The following GLDC variants were observed in gnomAD, a reference collection of about 807,000 sequenced individuals.
The protein encoded by GLDC is glycine dehydrogenase (decarboxylating), mitochondrial.
Under a neutral mutation model 121.3 loss-of-function variants are expected in GLDC, and 104 were observed. The observed-to-expected ratio is 0.86, with a 90% confidence interval of 0.73 to 1.01. The LOEUF is 1.01. GLDC is among the 50% of genes least tolerant of loss of function. GLDC has a pLI of 0.00. For synonymous variants in GLDC, 546 were observed against 480.6 expected (o/e 1.14, Z -1.78); for missense variants, 1,429 against 1,306.6 (o/e 1.09, Z -1.44).
intron 10 of GLDC, 30 bp from the exon 11 acceptor site, chr9:6,592,253 T>A (rs372053523): frequency 1.5e-6 from 2 of 1,355,494 alleles, no homozygotes; most frequent in South Asian, 1.2e-5. Flanking sequence ...ATGGAAAACA[T>A]CAACTCTAAA....
chr9:6,625,118 T>A (rs1819204403), intron 2 of GLDC, among the ~76,000 whole-genome samples: 1 of 152,124 alleles, frequency 6.6e-6, no homozygotes, highest in South Asian at 2.1e-4. Flanking sequence ...ACTAACATTA[T>A]CCTCTGGCTT....
chr9:6,572,483 A>G (rs1004805243), intron 15 of GLDC, among the ~76,000 whole-genome samples: 1 of 152,154 alleles, frequency 6.6e-6, no homozygotes, highest in African/African-American at 2.4e-5. Flanking sequence ...CTTTTGTGTG[A>G]GTCTATGGGA....
At chr9:6,615,463 T>C (rs901816170) in intron 3 of GLDC, among the ~76,000 whole-genome samples, 1 of 151,232 alleles carries the variant, frequency 6.6e-6, no homozygotes, top group African/African-American at 2.4e-5. Flanking sequence ...GGCCTGTAAG[T>C]CCCACCTACT....
intron 16 of GLDC, among the ~76,000 whole-genome samples, chr9:6,564,584 C>T (rs1188749377): frequency 2.0e-5 from 3 of 152,192 alleles, no homozygotes; most frequent in African/African-American, 4.8e-5. Context: ...GGCTCCTAGG[C>T]GATGCTCCTA....
rs1165977655 is a variant in GLDC at position 6,620,380 on chromosome 9, A to C, written c.335-61T>G. 2.9e-6 allele frequency: 4 copies of C among 1,372,802 alleles called. No homozygotes were observed. The Admixed American group carries it at 5.0e-5, about 17-fold the overall frequency. 85.0% of individuals were successfully genotyped at this position (1,372,802 alleles called of 1,614,324 possible). A position where few individuals can be genotyped will look rare whatever the true frequency, so the allele number is the denominator to read the frequency against. ...TGTCTCAGAAAAGAGCTCTAATTAC[A>C]GTTTAAATCCCTCATTTTGTTTGAG... On this transcript the variant is annotated intron_variant, in intron 2 of 24. Coordinates refer to ENST00000321612, the MANE Select transcript of GLDC (RefSeq NM_000170.3).
chr9:6,639,283 C>A, intron 2 of GLDC: 1 of 914,530 alleles, frequency 1.1e-6, no homozygotes. Flanking sequence ...CACCTTCCGG[C>A]GGTCCAAGAC....
intron 21 of GLDC, among the ~76,000 whole-genome samples, chr9:6,549,310 C>A (rs1011161734): frequency 6.8e-6 from 1 of 147,844 alleles, no homozygotes; most frequent in Non-Finnish European, 1.5e-5. Context: ...GTCAGATGGA[C>A]AGAGCCAGAC....
chr9:6,544,974 C>T (rs930083133), intron 21 of GLDC, among the ~76,000 whole-genome samples: 1 of 151,950 alleles, frequency 6.6e-6, no homozygotes, highest in Admixed American at 6.6e-5. Flanking sequence ...TGGTGCATGC[C>T]TGTAATCCCA....
chr9:6,633,869 G>T (rs111875513), intron 2 of GLDC, among the ~76,000 whole-genome samples: 29,801 of 107,762 alleles, frequency 0.28, 6,078 homozygotes, highest in African/African-American at 0.45. Flanking sequence ...TCACTCTGTC[G>T]CTCAGGCTGG....
At chr9:6,563,408 C>T (rs116228264) in intron 16 of GLDC, among the ~76,000 whole-genome samples, 1 of 152,202 alleles carries the variant, frequency 6.6e-6, no homozygotes, top group East Asian at 1.9e-4. Context: ...GTGGAGGAGT[C>T]GGGTGGAGAT....
intron 2 of GLDC, 138 bp downstream of exon 2, chr9:6,644,476 T>A: frequency 1.4e-6 from 1 of 700,400 alleles, no homozygotes; most frequent in Non-Finnish European, 2.6e-6. Flanking sequence ...GCTCCGGAGG[T>A]ACCCGCCACT....
chr9:6,545,433 T>C (rs1817367821), intron 21 of GLDC, among the ~76,000 whole-genome samples: 1 of 152,004 alleles, frequency 6.6e-6, no homozygotes, highest in Non-Finnish European at 1.5e-5. Context: ...ACATAAAAAA[T>C]GGTACATCTG....
At chr9:6,634,492 G>A (rs980336162) in intron 2 of GLDC, among the ~76,000 whole-genome samples, 1 of 151,738 alleles carries the variant, frequency 6.6e-6, no homozygotes, top group Non-Finnish European at 1.5e-5. Flanking sequence ...TCGCACCACC[G>A]CACTTGAGCC....
chr9:6,644,559 A>G, intron 2 of GLDC, 55 bp downstream of exon 2: 1 of 1,226,364 alleles, frequency 8.2e-7, no homozygotes, highest in Non-Finnish European at 1.2e-6. Context: ...GGGAACCACA[A>G]AAGACAAATA....
In GLDC at chr9:6,554,746, A is replaced by G. The variant is rs749882600; in HGVS notation, c.2238T>C (p.Asp746=). The change falls in exon 19 of 25, where the codon GAT becomes GAC. Residue 746 remains aspartate (D), a synonymous_variant. Coordinates refer to ENST00000321612, the MANE Select transcript of GLDC (RefSeq NM_000170.3). ...GICRPGDFGS[D]VSHLNLHKTF... is the part of the protein sequence containing the mutation. ...TCTTGTGAAGATTTAGGTGCGAGACATCAGACCCGAAGTCTCCAGGGCGAC... is the reference window on the plus strand; with the variant it reads ...TCTTGTGAAGATTTAGGTGCGAGACGTCAGACCCGAAGTCTCCAGGGCGAC... The G allele has an allele frequency of 5.6e-6, 9 of 1,613,426 alleles. No individual in the cohort carries two copies. In the African/African-American group the frequency reaches 1.2e-4, roughly 22 times the overall value.
intron 15 of GLDC, among the ~76,000 whole-genome samples, chr9:6,582,783 C>T (rs1486773008): frequency 6.0e-5 from 9 of 149,402 alleles, no homozygotes; most frequent in African/African-American, 1.5e-4. Flanking sequence ...GAGCCGATAT[C>T]GCGCCACTGC....
At chr9:6,632,177 G>T (rs1232415127) in intron 2 of GLDC, among the ~76,000 whole-genome samples, 1 of 152,160 alleles carries the variant, frequency 6.6e-6, no homozygotes, top group Non-Finnish European at 1.5e-5. Context: ...GTGTTGCAAT[G>T]AAAATTCACC....
chr9:6,591,480 T>G (rs1818373447), intron 11 of GLDC, among the ~76,000 whole-genome samples: 1 of 152,248 alleles, frequency 6.6e-6, no homozygotes, highest in Non-Finnish European at 1.5e-5. Flanking sequence ...ACCTGACACA[T>G]ATTGGGTCCT....
intron 24 of GLDC, among the ~76,000 whole-genome samples, 167 bp from the exon 25 acceptor site, chr9:6,533,327 T>G (rs1477287050): frequency 1.3e-5 from 2 of 152,126 alleles, no homozygotes; most frequent in Admixed American, 1.3e-4. Flanking sequence ...AAGAGGCATT[T>G]CCCAGGAGGC....
Sources: gnomAD v4.1 joint callset for allele counts (sites outside exome capture counted in the v4.1 genomes callset) on GRCh38, gnomAD v4.1.1 for gene constraint, MANE v1.5 for transcripts, NCBI Gene and HGNC (gene_info 2026-07-23, HGNC 2026-07-21) for gene names.